Variants in PARD3 observed in about 807,000 individuals in gnomAD.
The protein encoded by PARD3 is partitioning defective 3 homolog.
Under a neutral mutation model 155.4 loss-of-function variants are expected in PARD3, and 75 were observed. The observed-to-expected ratio is 0.48, with a 90% CI of 0.40 to 0.58. The LOEUF (loss-of-function observed/expected upper bound fraction) is 0.58, where lower values mean the gene tolerates loss of function less well. Among genes scored for constraint, PARD3 ranks in the 20% least tolerant of loss-of-function variants. The pLI is 0.00. For missense variants in PARD3, 1,642 were observed against 1,721.7 expected, an observed-to-expected ratio of 0.95 and a Z score of 0.82; for synonymous variants, 576 against 610.5, an observed-to-expected ratio of 0.94 and a Z score of 0.83.
At chr10:34,590,113 C>T (rs2088528819) in intron 2 of PARD3, among the ~76,000 whole-genome samples, 1 of 152,094 alleles carries the variant, frequency 6.6e-6, no homozygotes, top group Non-Finnish European at 1.5e-5. Flanking sequence ...TATGAAAAAC[C>T]ATCTCAGCAG....
chr10:34,573,733 AAAAACACACACACACACACACACAC>A (rs2086646598), intron 2 of PARD3, among the ~76,000 whole-genome samples: 48 of 118,310 alleles, frequency 4.1e-4, no homozygotes, highest in Middle Eastern at 3.7e-3. Context: ...ACAAACAAAC[AAAAACACACACACACACACACACAC>A]ACACACACAC....
At chr10:34,571,194 G>C (rs1158432492) in intron 2 of PARD3, among the ~76,000 whole-genome samples, 1 of 152,118 alleles carries the variant, frequency 6.6e-6, no homozygotes, top group African/African-American at 2.4e-5. Context: ...CACACCTGTA[G>C]TCTTAGCTAC....
intron 1 of PARD3, among the ~76,000 whole-genome samples, chr10:34,732,851 T>C (rs2094843943): frequency 1.3e-5 from 2 of 152,140 alleles, no homozygotes; most frequent in Admixed American, 1.3e-4. Flanking sequence ...CACAAACCCA[T>C]ACCTCCCTCA....
chr10:34,575,938 C>T (rs2086852164), intron 2 of PARD3, among the ~76,000 whole-genome samples: 1 of 150,704 alleles, frequency 6.6e-6, no homozygotes, highest in Non-Finnish European at 1.5e-5. Flanking sequence ...GGTATTTGAG[C>T]TCTTCTCTGT....
intron 5 of PARD3, among the ~76,000 whole-genome samples, chr10:34,436,715 T>G (rs1209434437): frequency 6.6e-6 from 1 of 152,116 alleles, no homozygotes; most frequent in Admixed American, 6.6e-5. Context: ...TGCCCATCAA[T>G]AAACACTGGC....
intron 1 of PARD3, among the ~76,000 whole-genome samples, chr10:34,758,929 C>T (rs1837077182): frequency 6.6e-6 from 1 of 152,038 alleles, no homozygotes; most frequent in Non-Finnish European, 1.5e-5. Flanking sequence ...TTGTGTCAGA[C>T]AGAACAGGTT....
intron 22 of PARD3, among the ~76,000 whole-genome samples, chr10:34,157,460 C>T (rs188300696): frequency 4.3e-4 from 66 of 152,332 alleles, no homozygotes; most frequent in African/African-American, 1.6e-3. Context: ...ATAAAGACCT[C>T]TGATCTACAT....
At chr10:34,318,229 C>T (rs1383633253) in intron 19 of PARD3, among the ~76,000 whole-genome samples, 1 of 152,198 alleles carries the variant, frequency 6.6e-6, no homozygotes, top group African/African-American at 2.4e-5. Context: ...AGAGCTTAAA[C>T]ATTTCTCTAT....
intron 1 of PARD3, among the ~76,000 whole-genome samples, chr10:34,730,861 A>T (rs985052879): frequency 6.6e-6 from 1 of 152,246 alleles, no homozygotes; most frequent in Admixed American, 6.5e-5. Flanking sequence ...AGACGCTGTG[A>T]GGATTCCAGC....
chr10:34,489,229 T>C (rs2079706673), intron 3 of PARD3, among the ~76,000 whole-genome samples: 1 of 152,078 alleles, frequency 6.6e-6, no homozygotes, highest in African/African-American at 2.4e-5. Context: ...TCTCAGCTAC[T>C]AGGGAGGCTG....
chr10:34,803,340 T>C (rs1424335264), intron 1 of PARD3, among the ~76,000 whole-genome samples: 1 of 152,160 alleles, frequency 6.6e-6, no homozygotes, highest in Non-Finnish European at 1.5e-5. Context: ...GAGAGATTCC[T>C]CTTCAGAATC....
At chr10:34,209,816 GTTATCA>G in intron 22 of PARD3, among the ~76,000 whole-genome samples, 1 of 152,250 alleles carries the variant, frequency 6.6e-6, no homozygotes, top group East Asian at 1.9e-4. Context: ...GCTATTATTA[GTTATCA>G]TTAACATTAT....
chr10:34,785,484 G>A (rs200271105), intron 1 of PARD3, among the ~76,000 whole-genome samples: 1 of 151,790 alleles, frequency 6.6e-6, no homozygotes, highest in Non-Finnish European at 1.5e-5. Context: ...AGTGGCTCAC[G>A]TCTGTAATCC....
intron 2 of PARD3, among the ~76,000 whole-genome samples, chr10:34,660,956 C>A (rs2093309975): frequency 6.6e-6 from 1 of 152,076 alleles, no homozygotes; most frequent in African/African-American, 2.4e-5. Context: ...CACTGAGAAG[C>A]TGAATCTACT....
intron 20 of PARD3, among the ~76,000 whole-genome samples, chr10:34,310,542 T>C (rs924216305): frequency 6.6e-6 from 1 of 152,220 alleles, no homozygotes; most frequent in Admixed American, 6.5e-5. Flanking sequence ...CATTAAAGAA[T>C]GTCAGAAAAG....
intron 22 of PARD3, among the ~76,000 whole-genome samples, chr10:34,238,991 A>G (rs1366880405): frequency 1.3e-5 from 2 of 152,220 alleles, no homozygotes; most frequent in Admixed American, 6.5e-5. Flanking sequence ...GTTTAAGAGC[A>G]CTGACATATT....
intron 21 of PARD3, among the ~76,000 whole-genome samples, chr10:34,276,112 T>C (rs949494262): frequency 1.3e-5 from 2 of 152,208 alleles, no homozygotes; most frequent in Non-Finnish European, 2.9e-5. Context: ...ACAACATTTA[T>C]ACTGTTTCCT....
Position 34,382,570 on chromosome 10 carries a change from C to T in PARD3, c.1369G>A (p.Gly457Ser), listed in dbSNP as rs374261501. 8.1e-6 allele frequency: 13 copies of T among 1,613,320 alleles called. No homozygotes were observed. The highest frequency in any genetic ancestry group is 4.0e-5 in the African/African-American group (3 of 74,994). ...VSSGYNTKKI[G>S]KRLNIQLKKG... ...TTAAGCTGGATATTAAGCCTCTTGC[C>T]TATTTTTTTGGTGTTATAACCACTG... Residue 457 changes from glycine to serine, a missense_variant, in exon 9 of 25, where the codon GGC becomes AGC. By Grantham distance (56) the Gly-to-Ser change is moderately conservative. Transcript: ENST00000374788.
intron 2 of PARD3, among the ~76,000 whole-genome samples, chr10:34,661,530 C>T (rs1023101790): frequency 6.6e-6 from 1 of 152,106 alleles, no homozygotes; most frequent in Non-Finnish European, 1.5e-5. Context: ...AGGGGAAAAA[C>T]GGGCAAATCT....
Sources: allele counts gnomAD v4.1 joint callset (sites outside exome capture counted in the v4.1 genomes callset), GRCh38; gene constraint gnomAD v4.1.1; transcripts MANE v1.5; gene names NCBI Gene and HGNC (gene_info 2026-07-23, HGNC 2026-07-21).